The following ADCY1 variants were observed in gnomAD, a reference collection of about 807,000 sequenced individuals.
The protein encoded by ADCY1 is adenylate cyclase 1, also known as adenylate cyclase type 1.
ADCY1 carries 28 observed loss-of-function variants against 105.4 expected under a neutral mutation model. The observed-to-expected ratio is 0.27, with a 90% CI of 0.20 to 0.36. The LOEUF is 0.36. Among genes scored for constraint, ADCY1 ranks in the 10% least tolerant of loss-of-function variants. The probability of loss-of-function intolerance (pLI) is 1.00; values close to 1 mark genes in which losing one functional copy is unlikely to be tolerated. For synonymous variants in ADCY1, 655 were observed against 623.8 expected, an observed-to-expected ratio of 1.05 and a Z score of -0.75; for missense variants, 977 against 1,434.2, an observed-to-expected ratio of 0.68 and a Z score of 5.15.
At chr7:45,628,339 G>A (rs956346794) in intron 4 of ADCY1, among the ~76,000 whole-genome samples, 2 of 152,268 alleles carry the variant, frequency 1.3e-5, no homozygotes, top group Admixed American at 6.5e-5. Flanking sequence ...TGAAGACCTC[G>A]GTTTCCGCCA....
chr7:45,664,832 A>G (rs140029685), intron 8 of ADCY1, among the ~76,000 whole-genome samples: 2,258 of 152,228 alleles, frequency 0.015, 51 homozygotes, highest in African/African-American at 0.051. Flanking sequence ...TTACATAGGT[A>G]TACATGTTCC....
chr7:45,704,306 C>T (rs973595343), intron 16 of ADCY1, among the ~76,000 whole-genome samples: 1 of 152,208 alleles, frequency 6.6e-6, no homozygotes, highest in African/African-American at 2.4e-5. Context: ...TGGCTGCGAG[C>T]TCACCTGTTG....
Position 45,685,980 on chromosome 7 carries a change from G to A in ADCY1, c.2092G>A (p.Ala698Thr), listed in dbSNP as rs573253845. The A allele has an allele frequency of 9.4e-5, 151 of 1,613,528 alleles. No homozygotes were observed. The South Asian group carries it at 1.6e-3, about 17-fold the overall frequency. The change falls in exon 13 of 20, where the codon GCC (alanine) becomes ACC (threonine). Residue 698 changes from alanine to threonine, a missense_variant. Coordinates refer to ENST00000297323, the MANE Select transcript of ADCY1 (RefSeq NM_021116.4). ...TTCCCAGGTGGGCTGCCTGCCTTGG[G>A]CCTGGAGCTCCAAGCCCAACAGTTC... ...QGCVVGCLPW[A>T]WSSKPNSSLV... is the part of the protein sequence containing the mutation.
At chr7:45,633,800 CAA>C (rs754127020) in intron 4 of ADCY1, among the ~76,000 whole-genome samples, 1,966 of 49,358 alleles carry the variant, frequency 0.04, 20 homozygotes, top group African/African-American at 0.095. Flanking sequence ...GACATCATCG[CAA>C]AAAAAAAAAA....
chr7:45,579,853 C>A (rs1562670490), intron 1 of ADCY1, among the ~76,000 whole-genome samples: 1 of 152,202 alleles, frequency 6.6e-6, no homozygotes, highest in East Asian at 1.9e-4. Flanking sequence ...GGCAGCCTCG[C>A]TGCTTCCTCC....
In ADCY1 at chr7:45,714,387, A is replaced by G; in HGVS notation, c.*392A>G. The G allele has an allele frequency of 5.0e-6, 1 of 200,400 alleles. No individual in the cohort carries two copies. Among genetic ancestry groups the G allele is most frequent in the Non-Finnish European group, 1.0e-5 (1 of 98,780 alleles). 12.4% of individuals were successfully genotyped at this position (200,400 alleles called of 1,614,324 possible). On this transcript the variant is annotated 3_prime_UTR_variant, in exon 20 of 20. Coordinates refer to ENST00000297323, the MANE Select transcript of ADCY1 (RefSeq NM_021116.4). ...CAAGAGCCACTGAGGTGTGGCTGGC[A>G]GAGCAACTGAGGAGCTCTGCGAGAG...
intron 2 of ADCY1, among the ~76,000 whole-genome samples, chr7:45,595,077 G>T (rs757859346): frequency 7.2e-5 from 11 of 152,070 alleles, no homozygotes; most frequent in Non-Finnish European, 1.6e-4. Flanking sequence ...TTTTCTTCAC[G>T]CACATGAAGT....
intron 17 of ADCY1, among the ~76,000 whole-genome samples, chr7:45,704,853 C>T (rs1164882550): frequency 6.6e-6 from 1 of 151,990 alleles, no homozygotes; most frequent in African/African-American, 2.4e-5. Flanking sequence ...CTGCTAGACA[C>T]CTCCCCCTAG....
At chr7:45,630,808 C>G (rs1211479138) in intron 4 of ADCY1, among the ~76,000 whole-genome samples, 2 of 151,960 alleles carry the variant, frequency 1.3e-5, no homozygotes, top group Non-Finnish European at 2.9e-5. Context: ...TTAGAAAGAT[C>G]TTTGTTTTTG....
chr7:45,644,675 T>A (rs778691734), intron 4 of ADCY1, among the ~76,000 whole-genome samples: 17 of 152,210 alleles, frequency 1.1e-4, no homozygotes, highest in Non-Finnish European at 2.5e-4. Context: ...CTCATCTTCT[T>A]CTTTCTTCTT....
chr7:45,605,503 G>T (rs1317810009), intron 2 of ADCY1, among the ~76,000 whole-genome samples: 2 of 151,306 alleles, frequency 1.3e-5, no homozygotes, highest in African/African-American at 4.8e-5. Flanking sequence ...TTTTCTGGAA[G>T]TTTTCATCAT....
At chr7:45,590,977 G>T (rs1792899366) in intron 1 of ADCY1, among the ~76,000 whole-genome samples, 1 of 152,158 alleles carries the variant, frequency 6.6e-6, no homozygotes, top group Non-Finnish European at 1.5e-5. Flanking sequence ...CCCCATGGAG[G>T]TGTCAGGCAG....
rs1461506699 is a variant in ADCY1, at chr7:45,574,877, C to T, written c.334C>T (p.Arg112Trp). Residue 112 changes from arginine (R) to tryptophan (W), a missense_variant, in exon 1 of 20, where the codon CGG becomes TGG. By Grantham distance (101) the Arg-to-Trp change is moderately radical. This residue lies in a region of ADCY1 where 209 missense variants were observed against 222.5 expected (regional missense o/e 0.94). Transcript: ENST00000297323. The surrounding 1 kb of genome is among the most constrained non-coding windows in gnomAD (Gnocchi z 7.0). ...FLALLVVTNVRSLQVPQLQQV... is the reference protein window; with the variant it reads ...FLALLVVTNVWSLQVPQLQQV... ...GGCGCTGCTCGTGGTAACCAACGTC[C>T]GGTCCCTGCAGGTGCCCCAGCTGCA... The T allele has an allele frequency of 6.2e-7, 1 of 1,611,860 alleles. No homozygotes were observed. Among genetic ancestry groups the T allele is most frequent in the South Asian group, 1.1e-5 (1 of 91,080 alleles).
intron 1 of ADCY1, among the ~76,000 whole-genome samples, chr7:45,581,794 TAC>T (rs1172700709): frequency 1.3e-5 from 2 of 152,062 alleles, no homozygotes; most frequent in African/African-American, 2.4e-5. Flanking sequence ...TGCATGAACA[TAC>T]ACAAACACAC....
chr7:45,708,307 C>A lies in ADCY1; in HGVS notation c.2818-43C>A. ...AGGTTGGTCCCTGGCCCCCTCTTGC[C>A]TTGCACTCCCCAGATGTAATGACCC... On this transcript the variant is annotated intron_variant, in intron 17 of 19. Transcript: ENST00000297323. The surrounding 1 kb of genome is among the most constrained non-coding windows in gnomAD (Gnocchi z 4.7). The A allele has an allele frequency of 6.7e-7, 1 of 1,496,560 alleles. No homozygotes were observed. The highest frequency in any genetic ancestry group is 9.3e-7 in the Non-Finnish European group (1 of 1,075,618). 92.7% of individuals were successfully genotyped at this position (1,496,560 alleles called of 1,614,324 possible). A position where few individuals can be genotyped will look rare whatever the true frequency, so the allele number is the denominator to read the frequency against.
rs908688292 is a variant in ADCY1 at position 45,606,195 on chromosome 7, T to G, written c.790-4184T>G. On this transcript the variant is annotated intron_variant, in intron 2 of 19. Transcript: ENST00000297323. Reference sequence around the variant, plus strand: ...CCACTGACTCTGCAGAGTTGGGGGATGCTTGTTACCAGCAGGTGGAGAGGG... The same window carrying G: ...CCACTGACTCTGCAGAGTTGGGGGAGGCTTGTTACCAGCAGGTGGAGAGGG... Among the ~76,000 whole-genome samples, 3 of 151,264 alleles carry G rather than the reference T, an allele frequency of 2.0e-5. No homozygotes were observed. The East Asian group carries it at 5.8e-4, about 29-fold the overall frequency.
intron 8 of ADCY1, among the ~76,000 whole-genome samples, chr7:45,677,185 T>TA (rs1242176585): frequency 6.6e-6 from 1 of 152,168 alleles, no homozygotes; most frequent in Admixed American, 6.5e-5. Flanking sequence ...TCAGTAGGAA[T>TA]AAAAACAAGT....
At position 45,686,574 on chromosome 7, in the gene ADCY1, C is replaced by T. The variant is rs145852812; in HGVS notation, c.2355C>T (p.Tyr785=). 31 of 1,612,910 alleles carry T rather than the reference C, an allele frequency of 1.9e-5. No individual in the cohort carries two copies. In the African/African-American group the frequency reaches 2.3e-4, roughly 12 times the overall value. Residue 785 remains tyrosine (Y), a synonymous_variant, in exon 14 of 20, where the codon TAC becomes TAT. Transcript: ENST00000297323. The surrounding 1 kb of genome is among the most constrained non-coding windows in gnomAD (Gnocchi z 4.3). Reference sequence around the variant, plus strand: ...GTGGTGCCGTCTCCGGGCGCAGCTACGAGCCGATTGTGGCCATCCTGCTCT... The same window carrying T: ...GTGGTGCCGTCTCCGGGCGCAGCTATGAGCCGATTGTGGCCATCCTGCTCT... ...TGGGAVSGRS[Y]EPIVAILLFS...
chr7:45,664,891 G>A lies in ADCY1; in HGVS notation c.1605+2677G>A, dbSNP rs151247376. 3.6e-4 allele frequency among the ~76,000 whole-genome samples: 55 copies of A among 152,112 alleles called. No homozygotes were observed. The East Asian group carries it at 9.9e-3, about 27-fold the overall frequency. ...ACCCGTCATCTAGGTTTTAAGTCCC[G>A]CATGCATTAGGTATTTGTCCTAATG... On this transcript the variant is annotated intron_variant, in intron 8 of 19. Transcript: ENST00000297323.
Sources: allele counts gnomAD v4.1 joint callset (sites outside exome capture counted in the v4.1 genomes callset), GRCh38; gene constraint gnomAD v4.1.1; regional missense constraint gnomAD v4.1.1; non-coding constraint Gnocchi (gnomAD v3.1); transcripts MANE v1.5; gene names NCBI Gene and HGNC (gene_info 2026-07-23, HGNC 2026-07-21).